The following TMEM108 variants were observed in gnomAD, a reference collection of about 807,000 sequenced individuals.
TMEM108 encodes transmembrane protein 108, also known as cancer/testis antigen 124.
In TMEM108, 12 loss-of-function variants were observed where a neutral mutation model predicts 35.1. That is an observed-to-expected ratio of 0.34 (90% CI 0.22 to 0.55). TMEM108 has a LOEUF of 0.55. Ranked by LOEUF, TMEM108 falls within the 20% of genes least tolerant of loss-of-function variation. The pLI is 0.89. For synonymous variants in TMEM108, 287 were observed against 308.6 expected, an observed-to-expected ratio of 0.93 and a Z score of 0.73; for missense variants, 680 against 753.3, an observed-to-expected ratio of 0.90 and a Z score of 1.14.
intron 5 of TMEM108, among the ~76,000 whole-genome samples, chr3:133,393,812 G>C (rs181743894): frequency 6.6e-6 from 1 of 152,142 alleles, no homozygotes; most frequent in Non-Finnish European, 1.5e-5. Flanking sequence ...ACTCGTGAAC[G>C]CACTATAGAA....
rs547495169 is a variant in TMEM108, at chr3:133,179,787, C to T, written c.-46-49479C>T. Among the ~76,000 whole-genome samples the T allele has an allele frequency of 1.6e-4, 24 of 151,092 alleles. No homozygotes were observed. The South Asian group carries it at 2.1e-3, about 13-fold the overall frequency. On this transcript the variant is annotated intron_variant, in intron 2 of 5. Coordinates refer to ENST00000321871, the MANE Select transcript of TMEM108 (RefSeq NM_023943.4). ...AAACCTGCATGTTGTGCACATGTAC[C>T]GTAAAACTTAAAGTATAATAAAAAA... is the stretch of plus-strand genomic sequence containing the variant.
intron 3 of TMEM108, among the ~76,000 whole-genome samples, chr3:133,293,021 C>T (rs928295237): frequency 2.0e-5 from 3 of 152,126 alleles, no homozygotes; most frequent in African/African-American, 4.8e-5. Context: ...AAAAGAGTAA[C>T]ATTCTATAAA....
chr3:133,363,380 C>T (rs2072412280), intron 3 of TMEM108, among the ~76,000 whole-genome samples: 2 of 151,790 alleles, frequency 1.3e-5, no homozygotes, highest in Non-Finnish European at 2.9e-5. Context: ...GTACATATAC[C>T]TTTATGATGG....
intron 3 of TMEM108, among the ~76,000 whole-genome samples, chr3:133,232,054 C>T (rs972555810): frequency 6.6e-6 from 1 of 152,106 alleles, no homozygotes; most frequent in African/African-American, 2.4e-5. Flanking sequence ...CAGTGTGGTC[C>T]CTCTGCTGCC....
At chr3:133,196,037 A>G (rs573014321) in intron 2 of TMEM108, among the ~76,000 whole-genome samples, 3 of 152,296 alleles carry the variant, frequency 2.0e-5, no homozygotes, top group East Asian at 1.9e-4. Flanking sequence ...AGACTTTTCA[A>G]TCTTTGTCCA....
At chr3:133,385,287 G>A (rs559336352) in intron 4 of TMEM108, among the ~76,000 whole-genome samples, 44 of 152,288 alleles carry the variant, frequency 2.9e-4, no homozygotes, top group Non-Finnish European at 2.6e-4. Flanking sequence ...GGCAATGCAG[G>A]GATATCCAGG....
intron 3 of TMEM108, chr3:133,247,319 C>T (rs1428340907): frequency 2.0e-5 from 3 of 152,144 alleles, no homozygotes; most frequent in African/African-American, 4.8e-5. Context: ...ACTTGTGCTT[C>T]CATTATTAGC....
At chr3:133,182,163 T>C (rs542489309) in intron 2 of TMEM108, among the ~76,000 whole-genome samples, 1 of 152,328 alleles carries the variant, frequency 6.6e-6, no homozygotes, top group African/African-American at 2.4e-5. Context: ...GGCTTTTTTT[T>C]CCAATTTTAA....
chr3:133,173,965 G>A (rs558236142), intron 2 of TMEM108, among the ~76,000 whole-genome samples: 12 of 152,290 alleles, frequency 7.9e-5, no homozygotes, highest in East Asian at 1.9e-4. Context: ...CTGGAAAATC[G>A]GGTCACTCCC....
intron 2 of TMEM108, among the ~76,000 whole-genome samples, chr3:133,053,427 T>C (rs899350945): frequency 7.2e-5 from 11 of 152,206 alleles, no homozygotes; most frequent in Non-Finnish European, 1.6e-4. Flanking sequence ...TGTGAGGTTA[T>C]GTGTAGACTA....
intron 3 of TMEM108, among the ~76,000 whole-genome samples, chr3:133,264,311 A>AC (rs1946667104): frequency 6.6e-6 from 1 of 152,020 alleles, no homozygotes. Flanking sequence ...TCTCAAAAAA[A>AC]AAAATTCACC....
rs1478004256 is a variant in TMEM108, at chr3:133,219,934, A to G, written c.-46-9332A>G. On this transcript the variant is annotated intron_variant, in intron 2 of 5. Transcript: ENST00000321871. Reference sequence around the variant, plus strand: ...AAGTGGAGCCTTGAAGTCCCCTGCTATTATTAAGAGTCTATCCTTTCAGAT... The same window carrying G: ...AAGTGGAGCCTTGAAGTCCCCTGCTGTTATTAAGAGTCTATCCTTTCAGAT... Among the ~76,000 whole-genome samples, 4 of 152,136 alleles carry G rather than the reference A, an allele frequency of 2.6e-5. No individual in the cohort carries two copies. The East Asian group carries it at 5.8e-4, about 22-fold the overall frequency.
At position 133,380,975 on chromosome 3, in the gene TMEM108, G is replaced by T; in HGVS notation, c.1264G>T (p.Val422Leu). ...GGTGCCCAGTCCTCTCTCCACAGTG[G>T]TATCCACAGCCACAGGCAATTTCCT... is the stretch of plus-strand genomic sequence containing the variant. ...DRVPSPLSTVVSTATGNFLNR... is the reference protein window; with the variant it reads ...DRVPSPLSTVLSTATGNFLNR... Residue 422 changes from valine (V) to leucine (L), a missense_variant, in exon 4 of 6, where the codon GTA becomes TTA. Transcript: ENST00000321871. This position sits in a 1 kb window ranked among gnomAD's most constrained non-coding sequence, Gnocchi z 5.3. The T allele has an allele frequency of 6.2e-7, 1 of 1,614,196 alleles. No individual in the cohort carries two copies. The highest frequency in any genetic ancestry group is 8.5e-7 in the Non-Finnish European group (1 of 1,180,036).
At chr3:133,268,973 A>G (rs1244687425) in intron 3 of TMEM108, among the ~76,000 whole-genome samples, 1 of 152,188 alleles carries the variant, frequency 6.6e-6, no homozygotes, top group Non-Finnish European at 1.5e-5. Context: ...TCTGCCAGGA[A>G]ATTCATTACT....
intron 1 of TMEM108, among the ~76,000 whole-genome samples, chr3:133,043,964 ATTTTTG>A (rs1368790486): frequency 6.6e-6 from 1 of 152,090 alleles, no homozygotes; most frequent in Non-Finnish European, 1.5e-5. Context: ...AACATGCAAA[ATTTTTG>A]AATTTTGAAG....
At chr3:133,213,298 C>T (rs1945860672) in intron 2 of TMEM108, among the ~76,000 whole-genome samples, 1 of 152,154 alleles carries the variant, frequency 6.6e-6, no homozygotes, top group Non-Finnish European at 1.5e-5. Context: ...CCTAGGAGTG[C>T]TCTAATTAGG....
intron 4 of TMEM108, chr3:133,386,289 G>T: frequency 1.0e-6 from 1 of 998,366 alleles, no homozygotes; most frequent in Non-Finnish European, 1.5e-6. Flanking sequence ...AAACAGTGAT[G>T]ATTATTCATC....
chr3:133,312,110 C>G (rs1045472777), intron 3 of TMEM108, among the ~76,000 whole-genome samples: 1 of 152,200 alleles, frequency 6.6e-6, no homozygotes, highest in Non-Finnish European at 1.5e-5. Flanking sequence ...GAAGCTTCAT[C>G]CCAGAGGGGT....
intron 3 of TMEM108, among the ~76,000 whole-genome samples, chr3:133,280,095 A>G (rs1349420193): frequency 1.3e-5 from 2 of 152,174 alleles, no homozygotes; most frequent in African/African-American, 4.8e-5. Flanking sequence ...ATCCCCAGTC[A>G]GAGGAGTCAG....
Sources: allele counts gnomAD v4.1 joint callset (sites outside exome capture counted in the v4.1 genomes callset), GRCh38; gene constraint gnomAD v4.1.1; non-coding constraint Gnocchi (gnomAD v3.1); transcripts MANE v1.5; gene names NCBI Gene and HGNC (gene_info 2026-07-23, HGNC 2026-07-21).